CCAR1: variants seen among roughly 807,000 people sequenced by gnomAD.
CCAR1 encodes the protein cell division cycle and apoptosis regulator protein 1.
A neutral mutation model predicts 163.8 loss-of-function variants in CCAR1; 78 were observed. That is an observed-to-expected ratio of 0.48 (90% CI 0.40 to 0.57). The LOEUF (loss-of-function observed/expected upper bound fraction) is 0.57. CCAR1 is among the 20% of genes least tolerant of loss of function. The probability of loss-of-function intolerance (pLI) is 0.00; values close to 1 mark genes in which losing one functional copy is unlikely to be tolerated. For missense variants in CCAR1, 1,019 were observed against 1,365.2 expected (o/e 0.75, Z 4.00); for synonymous variants, 443 against 460.7 (o/e 0.96, Z 0.49).
chr10:68,786,479 T>G lies in CCAR1; in HGVS notation c.2734-67T>G, dbSNP rs896540175. ...TGCTATCTTATGCACAGTCTCCGTT[T>G]CTCACTTTTTGGGGGTAAAAAATTT... On this transcript the variant is annotated intron_variant, in intron 20 of 24. Transcript: ENST00000265872. 4.5e-6 allele frequency: 5 copies of G among 1,119,118 alleles called. No homozygotes were observed. In the African/African-American group the frequency reaches 4.7e-5, roughly 11 times the overall value. 69.3% of individuals were successfully genotyped at this position (1,119,118 alleles called of 1,614,324 possible).
chr10:68,723,985 C>G (rs2055901942), intron 2 of CCAR1, among the ~76,000 whole-genome samples: 1 of 150,644 alleles, frequency 6.6e-6, no homozygotes. Context: ...ATGGAGAAAC[C>G]CTGTCTCTAC....
chr10:68,765,457 T>C (rs2056524688), intron 16 of CCAR1, among the ~76,000 whole-genome samples: 1 of 152,204 alleles, frequency 6.6e-6, no homozygotes, highest in East Asian at 1.9e-4. Context: ...ATTTGTATAT[T>C]GGTTTGTGGG....
At chr10:68,772,628 C>G (rs1016485704) in intron 18 of CCAR1, among the ~76,000 whole-genome samples, 2 of 151,798 alleles carry the variant, frequency 1.3e-5, no homozygotes, top group Non-Finnish European at 2.9e-5. Flanking sequence ...CACAGTGGCT[C>G]ACACCTGTAA....
chr10:68,726,589 GCTTA>G (rs574931679), intron 2 of CCAR1, among the ~76,000 whole-genome samples: 59 of 152,144 alleles, frequency 3.9e-4, no homozygotes, highest in African/African-American at 1.3e-3. Context: ...AATTCTAACT[GCTTA>G]CTTTTATTTG....
Position 68,742,460 on chromosome 10 carries a change from T to G in CCAR1, c.409T>G (p.Ser137Ala), listed in dbSNP as rs371513606. ...QITVSYPTPRSSQQQTQPQKQ... is the reference protein window; with the variant it reads ...QITVSYPTPRASQQQTQPQKQ... Reference sequence around the variant, plus strand: ...AACTGTATCATATCCAACACCAAGGTCCAGTCAACAGCAAACCCAGCCTCA... The same window carrying G: ...AACTGTATCATATCCAACACCAAGGGCCAGTCAACAGCAAACCCAGCCTCA... Residue 137 changes from serine (S) to alanine (A), a missense_variant, in exon 6 of 25, where the codon TCC becomes GCC. Physicochemically the swap from Ser to Ala is moderately conservative, Grantham distance 99. This residue lies in a region of CCAR1 where 644 missense variants were observed against 904.4 expected (regional missense o/e 0.71). Coordinates refer to ENST00000265872, the MANE Select transcript of CCAR1 (RefSeq NM_018237.4). The G allele has an allele frequency of 1.4e-5, 23 of 1,614,030 alleles. No individual in the cohort carries two copies. The African/African-American group carries it at 3.1e-4, about 22-fold the overall frequency.
At chr10:68,727,079 T>TG (rs2055959272) in intron 2 of CCAR1, among the ~76,000 whole-genome samples, 1 of 148,432 alleles carries the variant, frequency 6.7e-6, no homozygotes, top group African/African-American at 2.5e-5. Flanking sequence ...TTTTTGTTTT[T>TG]TTTTTTTTGA....
intron 21 of CCAR1, 178 bp from the exon 22 acceptor site, chr10:68,787,749 C>T (rs993022157): frequency 2.4e-5 from 12 of 499,756 alleles, no homozygotes; most frequent in Middle Eastern, 5.7e-4. Flanking sequence ...GTAGGAGAAT[C>T]GCTTGAACCT....
intron 19 of CCAR1, among the ~76,000 whole-genome samples, chr10:68,778,140 C>T (rs535348969): frequency 2.0e-5 from 3 of 152,188 alleles, no homozygotes; most frequent in Admixed American, 6.5e-5. Context: ...CACTTGAACC[C>T]GGGTGGCAGA....
intron 4 of CCAR1, among the ~76,000 whole-genome samples, chr10:68,740,131 T>C (rs547539895): frequency 3.9e-5 from 6 of 152,342 alleles, no homozygotes; most frequent in African/African-American, 1.4e-4. Context: ...AAGTAGCATA[T>C]TGATGATATT....
rs572286314 is a variant in CCAR1 at position 68,763,153 on chromosome 10, A to G, written c.2106+1961A>G. Reference sequence around the variant, plus strand: ...TTTTATTTTTTAACTTTATTTGTTTATTTATTTATTTATTTTGAGACGGAG... The same window carrying G: ...TTTTATTTTTTAACTTTATTTGTTTGTTTATTTATTTATTTTGAGACGGAG... On this transcript the variant is annotated intron_variant, in intron 16 of 24. Transcript: ENST00000265872. Among the ~76,000 whole-genome samples the G allele has an allele frequency of 1.0e-3, 158 of 151,402 alleles. 1 individual carries two copies. Among genetic ancestry groups the G allele is most frequent in the African/African-American group, 3.7e-3 (153 of 41,272 alleles).
chr10:68,734,990 C>T (rs1329842878), intron 2 of CCAR1, among the ~76,000 whole-genome samples: 1 of 152,152 alleles, frequency 6.6e-6, no homozygotes, highest in Admixed American at 6.6e-5. Flanking sequence ...AGCAAATTAT[C>T]ATTTTAAGTC....
chr10:68,731,396 G>A (rs2056035616), intron 2 of CCAR1, among the ~76,000 whole-genome samples: 1 of 152,138 alleles, frequency 6.6e-6, no homozygotes, highest in Non-Finnish European at 1.5e-5. Context: ...TGAAATTAAA[G>A]TCTCAAGTAT....
At chr10:68,790,888 G>A (rs1038138512) in intron 24 of CCAR1, among the ~76,000 whole-genome samples, 1 of 150,910 alleles carries the variant, frequency 6.6e-6, no homozygotes, top group African/African-American at 2.4e-5. Flanking sequence ...AAATAGAGAC[G>A]GGGTTTCACC....
At chr10:68,731,527 T>G (rs542330555) in intron 2 of CCAR1, among the ~76,000 whole-genome samples, 39 of 152,022 alleles carry the variant, frequency 2.6e-4, no homozygotes, top group African/African-American at 9.4e-4. Flanking sequence ...CAATGTAAAT[T>G]ATCTTCCTAT....
At chr10:68,746,873 C>T (rs940897361) in intron 6 of CCAR1, among the ~76,000 whole-genome samples, 1 of 152,090 alleles carries the variant, frequency 6.6e-6, no homozygotes, top group Non-Finnish European at 1.5e-5. Context: ...CCACCACACC[C>T]AGCCCCATCT....
At chr10:68,743,638 G>A (rs555430180) in intron 6 of CCAR1, among the ~76,000 whole-genome samples, 2 of 152,208 alleles carry the variant, frequency 1.3e-5, no homozygotes, top group Admixed American at 6.5e-5. Flanking sequence ...CACCTCCCGG[G>A]TTTAAGTGAT....
intron 6 of CCAR1, among the ~76,000 whole-genome samples, chr10:68,746,610 C>A (rs747235613): frequency 1.3e-5 from 2 of 151,828 alleles, no homozygotes; most frequent in African/African-American, 4.8e-5. Flanking sequence ...TGTTTGAGAC[C>A]GAGTCTCGTC....
At chr10:68,790,000 CTTAG>C (rs1234142680) in intron 24 of CCAR1, 85 bp downstream of exon 24, 2 of 813,282 alleles carry the variant, frequency 2.5e-6, no homozygotes, top group Non-Finnish European at 3.7e-6. Context: ...TTATTAAGCT[CTTAG>C]TGATTATTCT....
rs556535547 is a variant in CCAR1, at chr10:68,754,971, G to A, written c.1458+144G>A. The A allele has an allele frequency of 8.3e-6, 5 of 605,056 alleles. No homozygotes were observed. In the African/African-American group the frequency reaches 9.2e-5, roughly 11 times the overall value. 37.5% of individuals were successfully genotyped at this position (605,056 alleles called of 1,614,324 possible). ...ATTAAGGCACCCAGAATTTAATGAT[G>A]TAGATGTTTTTCTCATTGCAGATTA... On this transcript the variant is annotated intron_variant, in intron 12 of 24. Coordinates refer to ENST00000265872, the MANE Select transcript of CCAR1 (RefSeq NM_018237.4).
Sources: gnomAD v4.1 joint callset for allele counts (sites outside exome capture counted in the v4.1 genomes callset) on GRCh38, gnomAD v4.1.1 for gene constraint, gnomAD v4.1.1 regional missense constraint, MANE v1.5 for transcripts, NCBI Gene and HGNC (gene_info 2026-07-23, HGNC 2026-07-21) for gene names.